The following TMEM131 variants were observed in gnomAD, a reference collection of about 807,000 sequenced individuals.
The protein encoded by TMEM131 is 2610524E03Rik.
TMEM131 carries 66 observed loss-of-function variants against 211.6 expected under a neutral mutation model. That is an observed-to-expected ratio of 0.31 (90% confidence interval 0.26 to 0.38). The LOEUF is 0.38. TMEM131 is among the 10% of genes least tolerant of loss of function. The pLI is 1.00. For missense variants in TMEM131, 2,036 were observed against 2,299.3 expected, an observed-to-expected ratio of 0.89 and a Z score of 2.34; for synonymous variants, 844 against 841.3, an observed-to-expected ratio of 1.00 and a Z score of -0.06.
At chr2:97,852,320 C>T (rs1401530346) in intron 5 of TMEM131, among the ~76,000 whole-genome samples, 1 of 151,920 alleles carries the variant, frequency 6.6e-6, no homozygotes, top group African/African-American at 2.4e-5. Context: ...CACCACCACA[C>T]CCAATTTTTG....
chr2:97,995,462 CG>C lies in TMEM131; in HGVS notation c.187+13del. 1 of 1,381,332 alleles carries C rather than the reference CG, an allele frequency of 7.2e-7. No homozygotes were observed. The highest frequency in any genetic ancestry group is 9.4e-7 in the Non-Finnish European group (1 of 1,062,876). The allele number at this position is 1,381,332 out of a possible 1,614,324, so 85.6% of individuals were successfully genotyped here. On this transcript the variant is annotated intron_variant, in intron 1 of 40. Coordinates refer to ENST00000186436, the MANE Select transcript of TMEM131 (RefSeq NM_015348.2). ...GACAGCCCCGCCGCAGGGACGCCGC[CG>C]GGGGACACCCACCTTCCTTCTCGGC...
At chr2:97,869,600 G>A (rs558241698) in intron 4 of TMEM131, among the ~76,000 whole-genome samples, 2 of 152,226 alleles carry the variant, frequency 1.3e-5, no homozygotes, top group Non-Finnish European at 2.9e-5. Flanking sequence ...AAACAGGGCA[G>A]GCTGCCTCTA....
chr2:97,960,495 A>C (rs2104565280), intron 1 of TMEM131, among the ~76,000 whole-genome samples: 1 of 152,064 alleles, frequency 6.6e-6, no homozygotes, highest in East Asian at 1.9e-4. Flanking sequence ...ACTTGTTTCC[A>C]TTAGTCCTGG....
rs1166971206 is a variant in TMEM131 at position 97,941,669 on chromosome 2, T to C, written c.188-14182A>G. Among the ~76,000 whole-genome samples, 4 of 152,172 alleles carry C rather than the reference T, an allele frequency of 2.6e-5. No homozygotes were observed. The East Asian group carries it at 5.8e-4, about 22-fold the overall frequency. ...CCCATCAAAAAGTGGGCGAAGGATA[T>C]GAACAGGCACTTCTCAAAAGAAGAC... On this transcript the variant is annotated intron_variant, in intron 1 of 40. Coordinates refer to ENST00000186436, the MANE Select transcript of TMEM131 (RefSeq NM_015348.2).
intron 11 of TMEM131, among the ~76,000 whole-genome samples, chr2:97,828,470 T>C (rs973850867): frequency 1.6e-4 from 25 of 152,198 alleles, no homozygotes; most frequent in African/African-American, 5.3e-4. Flanking sequence ...CCCCTACTTA[T>C]AGGGTTAGAG....
chr2:97,864,430 C>T (rs554297619), intron 4 of TMEM131, among the ~76,000 whole-genome samples: 24 of 152,024 alleles, frequency 1.6e-4, no homozygotes, highest in African/African-American at 5.8e-4. Flanking sequence ...GATGACTATC[C>T]CATTTACCTT....
At chr2:97,852,969 A>C (rs1368563353) in intron 5 of TMEM131, among the ~76,000 whole-genome samples, 6 of 152,242 alleles carry the variant, frequency 3.9e-5, no homozygotes, top group South Asian at 2.1e-4. Flanking sequence ...ATCTATTTAT[A>C]ACATGGTTTA....
chr2:97,837,748 A>C (rs1204913008), intron 7 of TMEM131, among the ~76,000 whole-genome samples: 1 of 152,224 alleles, frequency 6.6e-6, no homozygotes, highest in Middle Eastern at 3.2e-3. Context: ...AAAATAAATA[A>C]TACATATTTA....
chr2:97,792,606 C>T lies in TMEM131; in HGVS notation c.3924G>A (p.Pro1308=), dbSNP rs749014128. 69 of 1,612,286 alleles carry T rather than the reference C, an allele frequency of 4.3e-5. No individual in the cohort carries two copies. Among genetic ancestry groups the T allele is most frequent in the Non-Finnish European group, 5.4e-5 (64 of 1,179,206 alleles). Residue 1308 remains proline, a synonymous_variant, in exon 31 of 41, where the codon CCG becomes CCA. Coordinates refer to ENST00000186436, the MANE Select transcript of TMEM131 (RefSeq NM_015348.2). ...GCGGCTCCTGGGGCTGAGGCACTGG[C>T]GGTGGCAGAGGAGGCTGAGGGTGCT... The part of the protein sequence containing the change: ...LEQHPQPPLP[P]PVPQPQEPQP...
chr2:97,924,068 A>C (rs1676870537), intron 2 of TMEM131, among the ~76,000 whole-genome samples: 1 of 149,272 alleles, frequency 6.7e-6, no homozygotes, highest in Non-Finnish European at 1.5e-5. Context: ...TGACAGAGCG[A>C]GACCCCATCT....
At chr2:97,963,850 TA>T (rs1274476897) in intron 1 of TMEM131, among the ~76,000 whole-genome samples, 1 of 152,264 alleles carries the variant, frequency 6.6e-6, no homozygotes, top group Non-Finnish European at 1.5e-5. Context: ...CACATATTTT[TA>T]AAAGTTTTTC....
At chr2:97,926,720 C>T (rs1026346226) in intron 2 of TMEM131, among the ~76,000 whole-genome samples, 1 of 152,186 alleles carries the variant, frequency 6.6e-6, no homozygotes, top group Non-Finnish European at 1.5e-5. Context: ...CAAGCTTTTC[C>T]ATAGCCAACT....
intron 19 of TMEM131, among the ~76,000 whole-genome samples, chr2:97,805,971 C>G (rs1559370999): frequency 6.6e-6 from 1 of 152,142 alleles, no homozygotes; most frequent in Non-Finnish European, 1.5e-5. Context: ...AACATTCACA[C>G]TTTCATGTTA....
At chr2:97,957,756 T>C (rs1281239911) in intron 1 of TMEM131, among the ~76,000 whole-genome samples, 1 of 152,224 alleles carries the variant, frequency 6.6e-6, no homozygotes, top group Non-Finnish European at 1.5e-5. Flanking sequence ...CCAAGTATGT[T>C]GACAAATAAT....
intron 1 of TMEM131, among the ~76,000 whole-genome samples, chr2:97,981,653 G>A (rs920815928): frequency 1.3e-5 from 2 of 151,892 alleles, no homozygotes; most frequent in Non-Finnish European, 2.9e-5. Context: ...TGTATTCAGA[G>A]TTGTTCAACC....
chr2:97,761,499 C>T (rs1023150622), intron 36 of TMEM131: 3 of 158,316 alleles, frequency 1.9e-5, no homozygotes, highest in South Asian at 1.9e-4. Context: ...CAGGCGGACA[C>T]GAGTGAGGCT....
chr2:97,993,763 T>C (rs747705205), intron 1 of TMEM131, among the ~76,000 whole-genome samples: 1 of 152,240 alleles, frequency 6.6e-6, no homozygotes, highest in South Asian at 2.1e-4. Flanking sequence ...CACTAACATG[T>C]ATAAACTATG....
chr2:97,796,785 A>C, intron 27 of TMEM131, 59 bp downstream of exon 27: 1 of 1,548,004 alleles, frequency 6.5e-7, no homozygotes, highest in Non-Finnish European at 8.8e-7. Flanking sequence ...TTTTGAAATT[A>C]TTTACTGTTG....
intron 31 of TMEM131, among the ~76,000 whole-genome samples, chr2:97,779,735 G>C (rs1397547971): frequency 6.6e-6 from 1 of 152,200 alleles, no homozygotes; most frequent in Non-Finnish European, 1.5e-5. Flanking sequence ...GGAATCCCAG[G>C]GCTGGGCGCA....
Sources: gnomAD v4.1 joint callset for allele counts (sites outside exome capture counted in the v4.1 genomes callset) on GRCh38, gnomAD v4.1.1 for gene constraint, MANE v1.5 for transcripts, NCBI Gene and HGNC (gene_info 2026-07-23, HGNC 2026-07-21) for gene names.